CWC27: variants seen among roughly 807,000 people sequenced by gnomAD.
CWC27 encodes the protein spliceosome-associated protein CWC27 homolog.
A neutral mutation model predicts 63.6 loss-of-function variants in CWC27; 47 were observed. That is an observed-to-expected ratio of 0.74 (90% confidence interval 0.58 to 0.94). The LOEUF (loss-of-function observed/expected upper bound fraction) is 0.94. Ranked by LOEUF, CWC27 falls within the 40% of genes least tolerant of loss-of-function variation. CWC27 has a pLI of 0.00. For synonymous variants in CWC27, 175 were observed against 179.8 expected (o/e 0.97, Z 0.22); for missense variants, 495 against 554.3 (o/e 0.89, Z 1.07).
intron 11 of CWC27, among the ~76,000 whole-genome samples, chr5:64,908,562 T>A (rs62370962): frequency 1.3e-5 from 2 of 152,176 alleles, no homozygotes; most frequent in Non-Finnish European, 2.9e-5. Flanking sequence ...TGAATCTGGG[T>A]CCTCCTGTTT....
intron 7 of CWC27, among the ~76,000 whole-genome samples, chr5:64,796,944 C>T (rs1479729345): frequency 7.0e-6 from 1 of 143,698 alleles, no homozygotes; most frequent in Non-Finnish European, 1.5e-5. Flanking sequence ...TCTCCCCCGT[C>T]ACTTCCCCCA....
chr5:64,958,297 T>C (rs1748839719), intron 11 of CWC27, among the ~76,000 whole-genome samples: 1 of 152,118 alleles, frequency 6.6e-6, no homozygotes, highest in Non-Finnish European at 1.5e-5. Context: ...AAAGAGAAAG[T>C]GTATATGGTA....
chr5:64,869,866 C>T (rs139011629), intron 10 of CWC27, among the ~76,000 whole-genome samples: 224 of 151,598 alleles, frequency 1.5e-3, no homozygotes, highest in African/African-American at 5.2e-3. Context: ...TTTTTTTTCC[C>T]CTTAAAGTAG....
chr5:64,995,171 C>T (rs1050040511), intron 13 of CWC27, among the ~76,000 whole-genome samples: 10 of 152,048 alleles, frequency 6.6e-5, no homozygotes. Context: ...AGGGTTTCAC[C>T]ATGTTGGCCA....
At chr5:64,814,779 C>G (rs1744980961) in intron 10 of CWC27, among the ~76,000 whole-genome samples, 1 of 152,068 alleles carries the variant, frequency 6.6e-6, no homozygotes, top group Non-Finnish European at 1.5e-5. Flanking sequence ...TAATATAACT[C>G]TTTGTAAGCA....
intron 10 of CWC27, among the ~76,000 whole-genome samples, chr5:64,842,314 T>G (rs1407595342): frequency 6.6e-6 from 1 of 152,216 alleles, no homozygotes; most frequent in Non-Finnish European, 1.5e-5. Flanking sequence ...TTATTTTTAT[T>G]TATTTATGAG....
At chr5:64,820,583 T>G (rs1163307726) in intron 10 of CWC27, among the ~76,000 whole-genome samples, 3 of 151,996 alleles carry the variant, frequency 2.0e-5, no homozygotes, top group Non-Finnish European at 2.9e-5. Flanking sequence ...GATAGAGAGA[T>G]AGATCAGTGG....
chr5:64,859,887 G>A (rs1199160271), intron 10 of CWC27, among the ~76,000 whole-genome samples: 1 of 152,122 alleles, frequency 6.6e-6, no homozygotes, highest in African/African-American at 2.4e-5. Flanking sequence ...AGTTTAAAAT[G>A]TGATTGCTCT....
intron 4 of CWC27, 70 bp from the exon 5 acceptor site, chr5:64,785,411 C>G (rs1743847641): frequency 1.4e-6 from 1 of 699,730 alleles, no homozygotes; most frequent in Non-Finnish European, 2.2e-6. Flanking sequence ...AAGATGTTTT[C>G]AAAGGTTTTC....
At chr5:64,849,756 GTGAGTTCTCA>G (rs1274219930) in intron 10 of CWC27, among the ~76,000 whole-genome samples, 3 of 152,246 alleles carry the variant, frequency 2.0e-5, no homozygotes, top group Admixed American at 2.0e-4. Flanking sequence ...TCTCGTGATA[GTGAGTTCTCA>G]TGAGATCTGA....
intron 1 of CWC27, among the ~76,000 whole-genome samples, chr5:64,769,773 A>G (rs1743175602): frequency 6.6e-6 from 1 of 152,220 alleles, no homozygotes. Context: ...CCTCATGGAA[A>G]AGATATCTTT....
At chr5:64,936,291 T>G (rs140294137) in intron 11 of CWC27, among the ~76,000 whole-genome samples, 2,388 of 152,332 alleles carry the variant, frequency 0.016, 52 homozygotes, top group African/African-American at 0.055. Context: ...CCTAGTCTAC[T>G]GAGAGTTTTT....
intron 7 of CWC27, 52 bp from the exon 8 acceptor site, chr5:64,800,196 T>G: frequency 3.3e-6 from 4 of 1,210,878 alleles, no homozygotes; most frequent in Non-Finnish European, 4.8e-6. Context: ...ACTTGTTATT[T>G]AGGAATACTG....
At chr5:64,850,344 A>G (rs1007944337) in intron 10 of CWC27, among the ~76,000 whole-genome samples, 14 of 152,022 alleles carry the variant, frequency 9.2e-5, no homozygotes, top group Admixed American at 7.2e-4. Flanking sequence ...GGAAAAGGAT[A>G]GTCTCATCAA....
intron 13 of CWC27, among the ~76,000 whole-genome samples, chr5:65,011,365 C>A (rs1466642235): frequency 1.3e-5 from 2 of 152,164 alleles, no homozygotes; most frequent in African/African-American, 4.8e-5. Flanking sequence ...AGGGTCTTAA[C>A]CCTGGGGGAG....
chr5:64,844,533 T>G (rs971999974), intron 10 of CWC27, among the ~76,000 whole-genome samples: 1 of 152,134 alleles, frequency 6.6e-6, no homozygotes, highest in African/African-American at 2.4e-5. Flanking sequence ...TTTGGAGAAG[T>G]GAAGGGTCTA....
intron 10 of CWC27, among the ~76,000 whole-genome samples, chr5:64,820,710 A>C (rs1561421921): frequency 6.6e-6 from 1 of 152,134 alleles, no homozygotes; most frequent in Non-Finnish European, 1.5e-5. Context: ...ATGGTACTGG[A>C]ATAATTGGAG....
At chr5:64,776,996 A>C (rs1037387135) in intron 2 of CWC27, among the ~76,000 whole-genome samples, 5 of 152,066 alleles carry the variant, frequency 3.3e-5, no homozygotes, top group African/African-American at 4.8e-5. Flanking sequence ...ACTTTTAAAA[A>C]CTTATCAATT....
At chr5:64,929,039 A>G (rs1425573093) in intron 11 of CWC27, among the ~76,000 whole-genome samples, 1 of 152,052 alleles carries the variant, frequency 6.6e-6, no homozygotes, top group East Asian at 1.9e-4. Context: ...TTAGTTAGTT[A>G]ATAATACATG....
Sources: allele counts gnomAD v4.1 joint callset (sites outside exome capture counted in the v4.1 genomes callset), GRCh38; gene constraint gnomAD v4.1.1; transcripts MANE v1.5; gene names NCBI Gene and HGNC (gene_info 2026-07-23, HGNC 2026-07-21).